Variants in SSBP2 observed in about 807,000 individuals in gnomAD.
SSBP2 encodes single stranded DNA binding protein 2.
SSBP2 carries 17 observed loss-of-function variants against 61.8 expected under a neutral mutation model. That is an observed-to-expected ratio of 0.28 (90% CI 0.19 to 0.41). SSBP2 has a LOEUF of 0.41. Among genes scored for constraint, SSBP2 ranks in the 10% least tolerant of loss-of-function variants. The probability of loss-of-function intolerance (pLI) is 1.00; values close to 1 mark genes in which losing one functional copy is unlikely to be tolerated. For synonymous variants in SSBP2, 139 were observed against 141.3 expected (o/e 0.98, Z 0.12); for missense variants, 310 against 458.7 (o/e 0.68, Z 2.96).
intron 2 of SSBP2, among the ~76,000 whole-genome samples, chr5:81,641,209 C>T (rs1346490608): frequency 6.6e-6 from 1 of 152,100 alleles, no homozygotes. Context: ...CTTCCACAGT[C>T]CATCTCCAGC....
intron 14 of SSBP2, 168 bp downstream of exon 14, chr5:81,440,388 TAC>T: frequency 1.8e-6 from 1 of 544,636 alleles, no homozygotes; most frequent in East Asian, 3.2e-5. Context: ...TCAAGTGATC[TAC>T]AGTTATAACC....
intron 6 of SSBP2, among the ~76,000 whole-genome samples, chr5:81,477,427 G>A (rs566055770): frequency 1.4e-3 from 214 of 152,218 alleles, no homozygotes; most frequent in African/African-American, 4.9e-3. Flanking sequence ...TATTTTTAGT[G>A]TTCTTCCTTT....
intron 1 of SSBP2, among the ~76,000 whole-genome samples, chr5:81,672,413 T>C (rs1480500202): frequency 7.2e-5 from 11 of 152,088 alleles, no homozygotes; most frequent in Non-Finnish European, 1.3e-4. Context: ...TTAGATAAAA[T>C]TATTCTGATT....
chr5:81,501,502 T>G (rs1448767614), intron 5 of SSBP2, among the ~76,000 whole-genome samples: 1 of 149,768 alleles, frequency 6.7e-6, no homozygotes, highest in Non-Finnish European at 1.5e-5. Flanking sequence ...CATCTTACTG[T>G]GCACAAAGGG....
At chr5:81,589,278 T>G (rs1561573647) in intron 4 of SSBP2, among the ~76,000 whole-genome samples, 1 of 152,132 alleles carries the variant, frequency 6.6e-6, no homozygotes, top group African/African-American at 2.4e-5. Context: ...CTACAAAAGA[T>G]AAACAGTGAA....
intron 5 of SSBP2, among the ~76,000 whole-genome samples, chr5:81,503,423 C>A (rs534166973): frequency 2.9e-4 from 44 of 152,158 alleles, no homozygotes; most frequent in Non-Finnish European, 5.4e-4. Flanking sequence ...CACTGCACTC[C>A]AGCCTGGGTG....
At chr5:81,532,571 T>C (rs927401570) in intron 4 of SSBP2, among the ~76,000 whole-genome samples, 6 of 151,918 alleles carry the variant, frequency 3.9e-5, no homozygotes, top group Non-Finnish European at 1.5e-5. Context: ...TTTTAAAAAT[T>C]AAATATAAGT....
intron 1 of SSBP2, among the ~76,000 whole-genome samples, chr5:81,736,960 C>G (rs960748735): frequency 1.3e-5 from 2 of 152,166 alleles, no homozygotes; most frequent in African/African-American, 4.8e-5. Context: ...CTAGTTATCA[C>G]TTCAAAATGA....
At chr5:81,478,484 G>C (rs1056814168) in intron 6 of SSBP2, among the ~76,000 whole-genome samples, 9 of 152,080 alleles carry the variant, frequency 5.9e-5, no homozygotes, top group African/African-American at 2.2e-4. Flanking sequence ...GGGATTATGG[G>C]CACCCACCAC....
Position 81,685,109 on chromosome 5 carries a change from TGAA to T in SSBP2, c.63-34773_63-34771del, listed in dbSNP as rs550888930. Reference sequence around the variant, plus strand: ...CTCGCTCTCTCTCTCCTGCTGCATGTGAAGAAGGTGCTTGCTTCCCCTTCACCT... The same window carrying T: ...CTCGCTCTCTCTCTCCTGCTGCATGTGAAGGTGCTTGCTTCCCCTTCACCT... On this transcript the variant is annotated intron_variant, in intron 1 of 16. Coordinates refer to ENST00000320672, the MANE Select transcript of SSBP2 (RefSeq NM_012446.5). Among the ~76,000 whole-genome samples, 9 of 152,266 alleles carry T rather than the reference TGAA, an allele frequency of 5.9e-5. No individual in the cohort carries two copies. The East Asian group carries it at 1.7e-3, about 29-fold the overall frequency.
chr5:81,551,551 C>T (rs1436806229), intron 4 of SSBP2, among the ~76,000 whole-genome samples: 2 of 152,020 alleles, frequency 1.3e-5, no homozygotes, highest in East Asian at 1.9e-4. Flanking sequence ...CAAGTGATTC[C>T]AGGCGGCAAT....
rs763496976 is a variant in SSBP2, at chr5:81,751,004, C to T, written c.39G>A (p.Pro13=). ...ACTTCTCCCGGGCCTGGCTGTCGGA[C>T]GGGACGGCGCTGCTGTTACTCTTGC... The change falls in exon 1 of 17, where the codon CCG becomes CCA. Residue 13 remains proline, a synonymous_variant. Coordinates refer to ENST00000320672, the MANE Select transcript of SSBP2 (RefSeq NM_012446.5). 3.1e-5 allele frequency: 49 copies of T among 1,599,126 alleles called. No homozygotes were observed. The highest frequency in any genetic ancestry group is 3.9e-5 in the Non-Finnish European group (46 of 1,173,130).
At chr5:81,488,010 A>AATATATATATATAT (rs59039206) in intron 6 of SSBP2, among the ~76,000 whole-genome samples, 45 of 38,830 alleles carry the variant, frequency 1.2e-3, no homozygotes, top group Non-Finnish European at 1.6e-3. Context: ...ATGGCCAAAT[A>AATATATATATATAT]ATATATATAT....
At chr5:81,750,204 C>G (rs2154033806) in intron 1 of SSBP2, among the ~76,000 whole-genome samples, 1 of 151,588 alleles carries the variant, frequency 6.6e-6, no homozygotes, top group South Asian at 2.1e-4. Flanking sequence ...CCCTCTCCGA[C>G]TCCCAAACTT....
At chr5:81,568,986 G>A (rs980359989) in intron 4 of SSBP2, among the ~76,000 whole-genome samples, 6 of 152,102 alleles carry the variant, frequency 3.9e-5, no homozygotes, top group Non-Finnish European at 7.4e-5. Flanking sequence ...ACCTTTCAAC[G>A]TCTTGATGAA....
At position 81,656,826 on chromosome 5, in the gene SSBP2, T is replaced by C. The variant is rs533912311; in HGVS notation, c.63-6487A>G. On this transcript the variant is annotated intron_variant, in intron 1 of 16. Coordinates refer to ENST00000320672, the MANE Select transcript of SSBP2 (RefSeq NM_012446.5). ...TAAAAACATTAAAGTATTCAATGCC[T>C]ATAAGGGTGAAATGTGAACGTGTAA... Among the ~76,000 whole-genome samples the C allele has an allele frequency of 6.0e-4, 91 of 152,030 alleles. 1 individual carries two copies. The highest frequency in any genetic ancestry group is 1.9e-3 in the African/African-American group (78 of 41,512).
At chr5:81,692,333 C>T (rs770899673) in intron 1 of SSBP2, among the ~76,000 whole-genome samples, 26 of 151,960 alleles carry the variant, frequency 1.7e-4, no homozygotes, top group Non-Finnish European at 3.8e-4. Flanking sequence ...AACTATAAAA[C>T]ACTGATGAAA....
At chr5:81,637,653 TA>T (rs1252126481) in intron 2 of SSBP2, among the ~76,000 whole-genome samples, 7 of 152,216 alleles carry the variant, frequency 4.6e-5, no homozygotes, top group African/African-American at 7.2e-5. Context: ...ATGTGGTTAA[TA>T]ATAGTCACCT....
At chr5:81,427,436 A>T (rs1762024408) in intron 16 of SSBP2, among the ~76,000 whole-genome samples, 2 of 152,184 alleles carry the variant, frequency 1.3e-5, no homozygotes, top group East Asian at 3.8e-4. Context: ...AACTCTAAAA[A>T]CAGGGGATGT....
Sources: allele counts gnomAD v4.1 joint callset (sites outside exome capture counted in the v4.1 genomes callset), GRCh38; gene constraint gnomAD v4.1.1; transcripts MANE v1.5; gene names NCBI Gene and HGNC (gene_info 2026-07-23, HGNC 2026-07-21).